Variants in PCBP3 observed in about 807,000 individuals in gnomAD.
The protein encoded by PCBP3 is poly(rC) binding protein 3.
Under a neutral mutation model 52.7 loss-of-function variants are expected in PCBP3, and 25 were observed. The observed-to-expected ratio is 0.47, with a 90% CI of 0.35 to 0.66. The LOEUF is 0.66. Ranked by LOEUF, PCBP3 falls within the 30% of genes least tolerant of loss-of-function variation. The pLI is 0.01. For missense variants in PCBP3, 391 were observed against 490.3 expected (o/e 0.80, Z 1.91); for synonymous variants, 162 against 183.0 (o/e 0.89, Z 0.93).
At chr21:45,903,378 C>T (rs184732794) in intron 9 of PCBP3, among the ~76,000 whole-genome samples, 226 of 152,178 alleles carry the variant, frequency 1.5e-3, no homozygotes, top group Non-Finnish European at 2.6e-3. Flanking sequence ...GAGAAAGGGA[C>T]GCTAGCAAAG....
At chr21:45,686,745 T>G (rs1033513564) in intron 2 of PCBP3, among the ~76,000 whole-genome samples, 3 of 152,084 alleles carry the variant, frequency 2.0e-5, no homozygotes, top group African/African-American at 7.2e-5. Context: ...GACAGTGAAA[T>G]AAATATCAGA....
intron 5 of PCBP3, among the ~76,000 whole-genome samples, chr21:45,888,525 C>A (rs1569444679): frequency 6.6e-6 from 1 of 152,246 alleles, no homozygotes; most frequent in Non-Finnish European, 1.5e-5. Context: ...ACCCACACGC[C>A]ACCGCACACA....
At chr21:45,886,500 G>A (rs2095527227) in intron 5 of PCBP3, among the ~76,000 whole-genome samples, 1 of 149,472 alleles carries the variant, frequency 6.7e-6, no homozygotes, top group African/African-American at 2.5e-5. Flanking sequence ...AGAGGACGTG[G>A]TAAGGTGTGG....
At chr21:45,840,706 C>T (rs1451121403) in intron 4 of PCBP3, among the ~76,000 whole-genome samples, 1 of 152,110 alleles carries the variant, frequency 6.6e-6, no homozygotes, top group Non-Finnish European at 1.5e-5. Flanking sequence ...TCACTGCAGC[C>T]TTGACCTCCT....
At chr21:45,765,231 CA>C (rs1450117197) in intron 4 of PCBP3, among the ~76,000 whole-genome samples, 1 of 152,110 alleles carries the variant, frequency 6.6e-6, no homozygotes, top group East Asian at 1.9e-4. Context: ...GGTGACCCTC[CA>C]GGGGTGCCAG....
intron 2 of PCBP3, among the ~76,000 whole-genome samples, chr21:45,703,690 C>G (rs1822027678): frequency 6.6e-6 from 1 of 152,106 alleles, no homozygotes; most frequent in Admixed American, 6.5e-5. Context: ...GGGGCATGAA[C>G]AGAAGAAGGA....
Position 45,837,464 on chromosome 21 carries a change from C to T in PCBP3, c.-125-12497C>T, listed in dbSNP as rs2093614898. 1.3e-5 allele frequency among the ~76,000 whole-genome samples: 2 copies of T among 152,198 alleles called. No individual in the cohort carries two copies. The highest frequency in any genetic ancestry group is 6.5e-5 in the Admixed American group (1 of 15,288). ...ATGGCGCTGTGAGAACAGGCCACGG[C>T]GCCCTAGCTTCAGGTTATAGGGCAT... On this transcript the variant is annotated intron_variant, in intron 4 of 17. Transcript: ENST00000681687. This position sits in a 1 kb window ranked among gnomAD's most constrained non-coding sequence, Gnocchi z 4.1.
intron 1 of PCBP3, among the ~76,000 whole-genome samples, chr21:45,657,976 T>C (rs2146986003): frequency 1.3e-5 from 2 of 152,324 alleles, no homozygotes; most frequent in African/African-American, 4.8e-5. Context: ...GTGGACATCA[T>C]TGTTTGTTCC....
chr21:45,910,990 T>A lies in PCBP3; in HGVS notation c.560T>A (p.Ile187Asn). Residue 187 changes from isoleucine (I) to asparagine (N), a missense_variant, in exon 11 of 18, where the codon ATC becomes AAC. By Grantham distance (149) the Ile-to-Asn change is moderately radical (BLOSUM62 -3). Transcript: ENST00000681687. The part of the protein sequence containing the change: ...AVTISGTPDA[I>N]IQCVKQICVV... ...ACCATCTCGGGGACCCCAGATGCCATCATCCAGTGCGTCAAGCAGATCTGT... is the reference window on the plus strand; with the variant it reads ...ACCATCTCGGGGACCCCAGATGCCAACATCCAGTGCGTCAAGCAGATCTGT... 1 of 1,611,942 alleles carries A rather than the reference T, an allele frequency of 6.2e-7. No individual in the cohort carries two copies. The highest frequency in any genetic ancestry group is 8.5e-7 in the Non-Finnish European group (1 of 1,179,918).
intron 2 of PCBP3, among the ~76,000 whole-genome samples, chr21:45,695,147 G>A (rs1955807829): frequency 6.6e-6 from 1 of 152,150 alleles, no homozygotes; most frequent in African/African-American, 2.4e-5. Flanking sequence ...CACCCAAATG[G>A]TGTGCTGTGC....
chr21:45,644,816 A>G (rs1603041725), intron 1 of PCBP3, among the ~76,000 whole-genome samples: 1 of 152,248 alleles, frequency 6.6e-6, no homozygotes, highest in South Asian at 2.1e-4. Flanking sequence ...GACTCCCCCC[A>G]TTTCAAAAAT....
intron 1 of PCBP3, among the ~76,000 whole-genome samples, chr21:45,655,813 GA>G (rs531898352): frequency 5.3e-5 from 8 of 150,200 alleles, no homozygotes; most frequent in Non-Finnish European, 1.0e-4. Flanking sequence ...AAATTTTCAA[GA>G]AAAAAAAACC....
At chr21:45,723,376 G>A (rs1482563434) in intron 2 of PCBP3, among the ~76,000 whole-genome samples, 1 of 152,248 alleles carries the variant, frequency 6.6e-6, no homozygotes, top group African/African-American at 2.4e-5. Context: ...TCACTACCCT[G>A]GTGAGAGGCC....
rs1260191322 is a variant in PCBP3, at chr21:45,741,742, C to T, written c.-162+6313C>T. On this transcript the variant is annotated intron_variant, in intron 3 of 17. Coordinates refer to ENST00000681687, the MANE Select transcript of PCBP3 (RefSeq NM_001384156.1). This position sits in a 1 kb window ranked among gnomAD's most constrained non-coding sequence, Gnocchi z 4.5. ...TTGATGAACCTCAGGCCCTGAGCTC[C>T]CTTGCTTGCCCTGCTCCTGCCAGGG... Among the ~76,000 whole-genome samples the T allele has an allele frequency of 6.6e-6, 1 of 152,092 alleles. No individual in the cohort carries two copies. Among genetic ancestry groups the T allele is most frequent in the Admixed American group, 6.5e-5 (1 of 15,282 alleles).
In PCBP3 at chr21:45,909,400, C is replaced by A; in HGVS notation, c.385C>A (p.Pro129Thr). 1.2e-6 allele frequency: 2 copies of A among 1,613,376 alleles called. No homozygotes were observed. The highest frequency in any genetic ancestry group is 1.7e-6 in the Non-Finnish European group (2 of 1,179,732). Residue 129 changes from proline to threonine, a missense_variant, in exon 10 of 18, where the codon CCA becomes ACA. Physicochemically the swap from Pro to Thr is conservative, Grantham distance 38 (BLOSUM62 -1). Coordinates refer to ENST00000681687, the MANE Select transcript of PCBP3 (RefSeq NM_001384156.1). ...MSNSPATSKP[P>T]VTLRLVVPAS... is the part of the protein sequence containing the mutation. ...CAACAGCCCTGCCACCAGCAAGCCCCCAGTGACGCTGAGGCTGGTGGTGCC... is the reference window on the plus strand; with the variant it reads ...CAACAGCCCTGCCACCAGCAAGCCCACAGTGACGCTGAGGCTGGTGGTGCC...
rs554993585 is a variant in PCBP3, at chr21:45,875,202, G to A, written c.11-21006G>A. ...TCACCGGGGCTGGGGGCCCTTCCAC[G>A]CGGCGCGCTCCAGCTGACTCACCGG... On this transcript the variant is annotated intron_variant, in intron 5 of 17. Transcript: ENST00000681687. Among the ~76,000 whole-genome samples, 113 of 151,940 alleles carry A rather than the reference G, an allele frequency of 7.4e-4. No individual in the cohort carries two copies. The South Asian group carries it at 0.022, about 30-fold the overall frequency.
In PCBP3 at chr21:45,890,346, A is replaced by G. The variant is rs904569635; in HGVS notation, c.11-5862A>G. Among the ~76,000 whole-genome samples the G allele has an allele frequency of 2.6e-5, 4 of 152,158 alleles. No homozygotes were observed. In the East Asian group the frequency reaches 7.7e-4, roughly 29 times the overall value. On this transcript the variant is annotated intron_variant, in intron 5 of 17. Transcript: ENST00000681687. ...GATAACAGAACCTGGAACTCGGTGC[A>G]CTTAGGGGGATGTGGATAATACAAC...
chr21:45,691,680 G>A (rs1331924340), intron 2 of PCBP3, among the ~76,000 whole-genome samples: 1 of 151,880 alleles, frequency 6.6e-6, no homozygotes, highest in Admixed American at 6.6e-5. Flanking sequence ...GCAATGAAGA[G>A]TATATGAGCT....
chr21:45,889,695 G>A (rs2095606394), intron 5 of PCBP3, among the ~76,000 whole-genome samples: 1 of 152,202 alleles, frequency 6.6e-6, no homozygotes, highest in South Asian at 2.1e-4. Flanking sequence ...TCCCTGCCAT[G>A]GCTCTTGTGG....
Sources: gnomAD v4.1 joint callset for allele counts (sites outside exome capture counted in the v4.1 genomes callset) on GRCh38, gnomAD v4.1.1 for gene constraint, Gnocchi (gnomAD v3.1) non-coding constraint, MANE v1.5 for transcripts, NCBI Gene and HGNC (gene_info 2026-07-23, HGNC 2026-07-21) for gene names.